SUZ12: variants seen among roughly 807,000 people sequenced by gnomAD.
SUZ12 encodes the protein polycomb protein SUZ12.
Under a neutral mutation model 87.3 loss-of-function variants are expected in SUZ12, and 17 were observed. The observed-to-expected ratio is 0.19, with a 90% CI of 0.13 to 0.29. The LOEUF is 0.29. Ranked by LOEUF, SUZ12 falls within the 10% of genes least tolerant of loss-of-function variation. The pLI, the probability that SUZ12 is intolerant of heterozygous loss-of-function variation, is 1.00. For synonymous variants in SUZ12, 253 were observed against 312.4 expected (o/e 0.81, Z 2.01); for missense variants, 526 against 912.2 (o/e 0.58, Z 5.45).
At chr17:31,941,431 A>G (rs1906274165) in intron 3 of SUZ12, among the ~76,000 whole-genome samples, 1 of 151,268 alleles carries the variant, frequency 6.6e-6, no homozygotes, top group Non-Finnish European at 1.5e-5. Context: ...TAAGTTTTGT[A>G]TTTTTAGTAG....
intron 8 of SUZ12, among the ~76,000 whole-genome samples, chr17:31,978,009 T>C (rs1171462863): frequency 1.3e-5 from 2 of 152,116 alleles, no homozygotes; most frequent in Non-Finnish European, 2.9e-5. Flanking sequence ...AAACGAAATA[T>C]TTTAGTGAAA....
intron 8 of SUZ12, among the ~76,000 whole-genome samples, chr17:31,982,426 C>T (rs558230913): frequency 2.0e-5 from 3 of 152,258 alleles, no homozygotes; most frequent in Admixed American, 6.5e-5. Flanking sequence ...CTTTAGGAGG[C>T]CAAGATGGGT....
intron 3 of SUZ12, among the ~76,000 whole-genome samples, chr17:31,945,061 CAAAAA>C (rs34314619): frequency 5.0e-5 from 4 of 79,272 alleles, no homozygotes; most frequent in East Asian, 3.9e-4. Flanking sequence ...GATGGTGTCT[CAAAAA>C]AAAAAAAAAA....
chr17:31,994,654 C>G lies in SUZ12; in HGVS notation c.1528C>G (p.Pro510Ala). The G allele has an allele frequency of 6.2e-7, 1 of 1,613,980 alleles. No homozygotes were observed. Among genetic ancestry groups the G allele is most frequent in the Non-Finnish European group, 8.5e-7 (1 of 1,180,010 alleles). Residue 510 changes from proline to alanine, a missense_variant, in exon 13 of 16, where the codon CCT becomes GCT. Coordinates refer to ENST00000322652, the MANE Select transcript of SUZ12 (RefSeq NM_015355.4). ...AAATCCTCAGGATATTCATCGCCAA[C>G]CTGGATTTGCTTTTAGTCGCAACGG... Reference protein sequence around the residue: ...AGNPQDIHRQPGFAFSRNGPV... With the variant: ...AGNPQDIHRQAGFAFSRNGPV...
intron 10 of SUZ12, among the ~76,000 whole-genome samples, chr17:31,988,974 A>G (rs1302717411): frequency 6.6e-6 from 1 of 151,778 alleles, no homozygotes; most frequent in African/African-American, 2.4e-5. Context: ...TGGGAGGCTG[A>G]GGCATGAGAA....
chr17:31,980,584 G>A (rs571374362), intron 8 of SUZ12, among the ~76,000 whole-genome samples: 28 of 151,508 alleles, frequency 1.8e-4, no homozygotes, highest in Admixed American at 1.6e-3. Flanking sequence ...CGAGTAGCTG[G>A]GATTAAGGCA....
At chr17:31,992,507 T>C (rs1008983316) in intron 10 of SUZ12, among the ~76,000 whole-genome samples, 4 of 152,086 alleles carry the variant, frequency 2.6e-5, no homozygotes, top group South Asian at 2.1e-4. Context: ...CCTCCCAGAT[T>C]CACGCCATTC....
At chr17:31,970,801 C>CT (rs1908381132) in intron 5 of SUZ12, among the ~76,000 whole-genome samples, 1 of 146,472 alleles carries the variant, frequency 6.8e-6, no homozygotes, top group African/African-American at 2.5e-5. Flanking sequence ...GACTCTCTCT[C>CT]TCAAAAAAAA....
intron 4 of SUZ12, among the ~76,000 whole-genome samples, chr17:31,962,462 TGCCTATA>T (rs1907786958): frequency 6.6e-6 from 1 of 152,028 alleles, no homozygotes; most frequent in Non-Finnish European, 1.5e-5. Flanking sequence ...TGATGGTGCA[TGCCTATA>T]GTCTCAGCTA....
intron 4 of SUZ12, among the ~76,000 whole-genome samples, chr17:31,960,015 A>G (rs1278056271): frequency 6.6e-6 from 1 of 152,186 alleles, no homozygotes; most frequent in East Asian, 1.9e-4. Context: ...TTTGTGGCCT[A>G]AAACCAAATA....
chr17:31,984,473 G>T (rs521355), intron 9 of SUZ12, among the ~76,000 whole-genome samples: 16,257 of 152,194 alleles, frequency 0.11, 1,062 homozygotes, highest in South Asian at 0.15. Flanking sequence ...AAGGATGATT[G>T]AAAAGTAAGA....
chr17:31,946,116 A>G (rs540073442), intron 3 of SUZ12, among the ~76,000 whole-genome samples: 3 of 152,294 alleles, frequency 2.0e-5, no homozygotes, highest in East Asian at 1.9e-4. Flanking sequence ...GATCTTTACT[A>G]TGGAGGCTCT....
intron 4 of SUZ12, among the ~76,000 whole-genome samples, chr17:31,964,145 G>A (rs555960530): frequency 1.3e-5 from 2 of 151,736 alleles, no homozygotes; most frequent in Non-Finnish European, 2.9e-5. Flanking sequence ...TCCTGCCTCT[G>A]CCTCCCGAGT....
At chr17:31,981,252 A>G (rs778939399) in intron 8 of SUZ12, among the ~76,000 whole-genome samples, 4 of 152,230 alleles carry the variant, frequency 2.6e-5, no homozygotes, top group Non-Finnish European at 4.4e-5. Flanking sequence ...AGGTCATACT[A>G]ATTTTAAAAG....
chr17:31,985,100 A>C (rs190929887), intron 9 of SUZ12, among the ~76,000 whole-genome samples: 1 of 145,760 alleles, frequency 6.9e-6, no homozygotes, highest in East Asian at 2.1e-4. Context: ...CAGAGGTTTC[A>C]GTGAGCTGAG....
chr17:31,995,097 AAAT>A (rs529132253), intron 13 of SUZ12, among the ~76,000 whole-genome samples: 4 of 152,212 alleles, frequency 2.6e-5, no homozygotes, highest in African/African-American at 4.8e-5. Context: ...ACTTCGTCTC[AAAT>A]AATAATAATA....
chr17:31,947,375 G>A (rs1437060904), intron 3 of SUZ12, among the ~76,000 whole-genome samples: 1 of 152,100 alleles, frequency 6.6e-6, no homozygotes, highest in African/African-American at 2.4e-5. Flanking sequence ...ACTGGTTTGG[G>A]AATAATTGGG....
chr17:31,978,909 C>T (rs974342196), intron 8 of SUZ12, among the ~76,000 whole-genome samples: 8 of 151,652 alleles, frequency 5.3e-5, no homozygotes, highest in Admixed American at 3.9e-4. Flanking sequence ...AGATCGAGAC[C>T]GTCCTGGCCA....
rs539332367 is a variant in SUZ12 at position 31,986,830 on chromosome 17, G to A, written c.1024-1490G>A. Among the ~76,000 whole-genome samples the A allele has an allele frequency of 1.7e-3, 266 of 152,306 alleles. 3 individuals carry two copies. Among genetic ancestry groups the A allele is most frequent in the Non-Finnish European group, 2.6e-3 (175 of 68,026 alleles). On this transcript the variant is annotated intron_variant, in intron 9 of 15. Transcript: ENST00000322652. ...CTCCCAAAGTGCTGGGATTACAGGCGTGTGCCATTGCGCCCGGTCCTCTAA... is the reference window on the plus strand; with the variant it reads ...CTCCCAAAGTGCTGGGATTACAGGCATGTGCCATTGCGCCCGGTCCTCTAA...
Sources: allele counts gnomAD v4.1 joint callset (sites outside exome capture counted in the v4.1 genomes callset), GRCh38; gene constraint gnomAD v4.1.1; transcripts MANE v1.5; gene names NCBI Gene and HGNC (gene_info 2026-07-23, HGNC 2026-07-21).